PLCB1: variants seen among roughly 807,000 people sequenced by gnomAD.
PLCB1 encodes phospholipase C beta 1.
In PLCB1, 46 loss-of-function variants were observed where a neutral mutation model predicts 161.8. The observed-to-expected ratio is 0.28, with a 90% CI of 0.22 to 0.36. PLCB1 has a LOEUF of 0.36. Ranked by LOEUF, PLCB1 falls within the 10% of genes least tolerant of loss-of-function variation. The pLI, the probability that PLCB1 is intolerant of heterozygous loss-of-function variation, is 1.00. For missense variants in PLCB1, 1,016 were observed against 1,472.5 expected, an observed-to-expected ratio of 0.69 and a Z score of 5.07; for synonymous variants, 517 against 503.7, an observed-to-expected ratio of 1.03 and a Z score of -0.35.
intron 31 of PLCB1, among the ~76,000 whole-genome samples, chr20:8,877,063 C>G (rs372933142): frequency 6.6e-6 from 1 of 152,168 alleles, no homozygotes; most frequent in African/African-American, 2.4e-5. Flanking sequence ...GAATTACTGC[C>G]ATTTGCACGA....
At chr20:8,649,506 G>A in intron 7 of PLCB1, 57 bp downstream of exon 7, 6 of 1,221,494 alleles carry the variant, frequency 4.9e-6, no homozygotes, top group Non-Finnish European at 7.3e-6. Context: ...AACTCATGTT[G>A]AAACTTAATC....
At chr20:8,870,129 A>C (rs969749751) in intron 31 of PLCB1, among the ~76,000 whole-genome samples, 1 of 152,192 alleles carries the variant, frequency 6.6e-6, no homozygotes, top group African/African-American at 2.4e-5. Context: ...ATCATAAAGC[A>C]AAGGCTCTGG....
chr20:8,793,513 G>A (rs1039750030), intron 31 of PLCB1, among the ~76,000 whole-genome samples: 3 of 151,066 alleles, frequency 2.0e-5, no homozygotes, highest in Non-Finnish European at 4.4e-5. Flanking sequence ...GTGTCCGGGG[G>A]AGACATCACA....
intron 2 of PLCB1, among the ~76,000 whole-genome samples, chr20:8,156,496 A>T (rs899213818): frequency 6.6e-6 from 1 of 152,212 alleles, no homozygotes; most frequent in South Asian, 2.1e-4. Flanking sequence ...ACAACTTAAT[A>T]TAGATGCCCC....
intron 3 of PLCB1, among the ~76,000 whole-genome samples, chr20:8,485,213 A>G (rs1160922889): frequency 6.6e-6 from 1 of 152,222 alleles, no homozygotes; most frequent in African/African-American, 2.4e-5. Flanking sequence ...TCATCCAAAC[A>G]TAGAACTTAG....
At chr20:8,648,024 GT>G (rs1989213609) in intron 6 of PLCB1, 71 bp downstream of exon 6, 1 of 1,149,178 alleles carries the variant, frequency 8.7e-7, no homozygotes, top group Admixed American at 2.4e-5. Context: ...CCATGGCTCT[GT>G]TTTGTTTCTC....
chr20:8,407,149 G>T (rs1226910409), intron 3 of PLCB1, among the ~76,000 whole-genome samples: 2 of 152,102 alleles, frequency 1.3e-5, no homozygotes, highest in African/African-American at 4.8e-5. Context: ...TTAACAAATG[G>T]ATAAATTTGA....
chr20:8,288,484 G>A (rs1443260007), intron 2 of PLCB1, among the ~76,000 whole-genome samples: 2 of 152,186 alleles, frequency 1.3e-5, no homozygotes, highest in Non-Finnish European at 1.5e-5. Context: ...AAGTAAAGGT[G>A]GGACAGAAGG....
At position 8,511,450 on chromosome 20, in the gene PLCB1, T is replaced by TCACAA. The variant is rs1983891145; in HGVS notation, c.247-116843_247-116842insACAAC. Among the ~76,000 whole-genome samples, 3 of 152,340 alleles carry TCACAA rather than the reference T, an allele frequency of 2.0e-5. No individual in the cohort carries two copies. In the East Asian group the frequency reaches 5.8e-4, roughly 29 times the overall value. On this transcript the variant is annotated intron_variant, in intron 3 of 31. Coordinates refer to ENST00000338037, the MANE Select transcript of PLCB1 (RefSeq NM_015192.4). ...GATGGACACTTAGGTTGGTTCCATA[T>TCACAA]CTTGCCTGTTGTGAATAATACTTCA...
At chr20:8,584,818 G>T (rs538040696) in intron 3 of PLCB1, among the ~76,000 whole-genome samples, 1 of 152,014 alleles carries the variant, frequency 6.6e-6, no homozygotes, top group East Asian at 1.9e-4. Context: ...AGCCTCCTTA[G>T]TAGCTGGGAC....
chr20:8,688,724 A>T (rs1600252576), intron 10 of PLCB1, among the ~76,000 whole-genome samples: 1 of 152,184 alleles, frequency 6.6e-6, no homozygotes, highest in Admixed American at 6.6e-5. Flanking sequence ...TTATGCCAGT[A>T]CCACACTGTT....
chr20:8,476,236 G>T (rs1174900191), intron 3 of PLCB1, among the ~76,000 whole-genome samples: 2 of 152,168 alleles, frequency 1.3e-5, no homozygotes, highest in Admixed American at 1.3e-4. Flanking sequence ...AAGTAAAAGT[G>T]TTGCAATGGA....
At chr20:8,235,133 A>G (rs556265309) in intron 2 of PLCB1, among the ~76,000 whole-genome samples, 1 of 152,260 alleles carries the variant, frequency 6.6e-6, no homozygotes, top group South Asian at 2.1e-4. Context: ...ATATGTGGCT[A>G]TCTTTCAAAG....
At chr20:8,282,690 G>T (rs530226778) in intron 2 of PLCB1, among the ~76,000 whole-genome samples, 1 of 152,276 alleles carries the variant, frequency 6.6e-6, no homozygotes, top group Non-Finnish European at 1.5e-5. Flanking sequence ...ATCAATCAAA[G>T]GGGTTGGTAG....
At chr20:8,851,563 G>A (rs1021686632) in intron 31 of PLCB1, among the ~76,000 whole-genome samples, 2 of 152,050 alleles carry the variant, frequency 1.3e-5, no homozygotes, top group Non-Finnish European at 2.9e-5. Context: ...CAGATGCCTG[G>A]GACTTTTTGT....
chr20:8,560,092 C>T (rs1399623230), intron 3 of PLCB1, among the ~76,000 whole-genome samples: 2 of 151,966 alleles, frequency 1.3e-5, no homozygotes, highest in African/African-American at 4.8e-5. Flanking sequence ...TGAGAATCCC[C>T]TGGGAGGCTG....
At chr20:8,380,444 C>T (rs752885551) in intron 3 of PLCB1, among the ~76,000 whole-genome samples, 21 of 152,086 alleles carry the variant, frequency 1.4e-4, no homozygotes, top group Non-Finnish European at 2.1e-4. Flanking sequence ...TTCTTTGATC[C>T]CATATGAAAT....
chr20:8,199,549 C>G (rs1244571992), intron 2 of PLCB1, among the ~76,000 whole-genome samples: 1 of 151,954 alleles, frequency 6.6e-6, no homozygotes, highest in Non-Finnish European at 1.5e-5. Context: ...GCCTCCTTGC[C>G]TAAGTTATTT....
chr20:8,604,252 C>CAAAA lies in PLCB1; in HGVS notation c.247-24019_247-24016dup, dbSNP rs34186286. 2.5e-3 allele frequency among the ~76,000 whole-genome samples: 131 copies of CAAAA among 51,402 alleles called. 3 individuals carry two copies. Among genetic ancestry groups the CAAAA allele is most frequent in the Middle Eastern group, 0.015 (1 of 68 alleles). 33.7% of individuals were successfully genotyped at this position (51,402 alleles called of 152,430 possible). A position where few individuals can be genotyped will look rare whatever the true frequency, so the allele number is the denominator to read the frequency against. On this transcript the variant is annotated intron_variant, in intron 3 of 31. Transcript: ENST00000338037. ...TGAGTAACAGAGTGAGGCCCTGTCT[C>CAAAA]AAAAAAAAAAAAAAAAAAAAAAAAA...
Sources: gnomAD v4.1 joint callset for allele counts (sites outside exome capture counted in the v4.1 genomes callset) on GRCh38, gnomAD v4.1.1 for gene constraint, MANE v1.5 for transcripts, NCBI Gene and HGNC (gene_info 2026-07-23, HGNC 2026-07-21) for gene names.